WIPF2: variants seen among roughly 807,000 people sequenced by gnomAD.
WIPF2 encodes WAS/WASL interacting protein family member 2, also known as WAS/WASL-interacting protein family member 2.
In WIPF2, 23 loss-of-function variants were observed where a neutral mutation model predicts 38.8. The observed-to-expected ratio is 0.59, with a 90% CI of 0.43 to 0.84. The LOEUF is 0.84. Ranked by LOEUF, WIPF2 falls within the 40% of genes least tolerant of loss-of-function variation. WIPF2 has a pLI of 0.00. For missense variants in WIPF2, 574 were observed against 580.5 expected (o/e 0.99, Z 0.11); for synonymous variants, 210 against 223.2 (o/e 0.94, Z 0.53).
chr17:40,267,666 A>C (rs188916116), intron 5 of WIPF2, among the ~76,000 whole-genome samples: 1 of 152,226 alleles, frequency 6.6e-6, no homozygotes, highest in East Asian at 1.9e-4. Context: ...CAGCCTCCTG[A>C]CTAGCTGGAA....
chr17:40,232,160 ATG>A, intron 1 of WIPF2, among the ~76,000 whole-genome samples: 1 of 132,204 alleles, frequency 7.6e-6, no homozygotes, highest in African/African-American at 2.8e-5. Context: ...TTGCAGGCAC[ATG>A]CCACCATGCC....
intron 6 of WIPF2, among the ~76,000 whole-genome samples, chr17:40,275,266 A>G (rs1046184413): frequency 2.7e-5 from 4 of 150,716 alleles, no homozygotes; most frequent in Non-Finnish European, 4.4e-5. Context: ...AAAAAACAAA[A>G]CCCAAAACAT....
chr17:40,256,337 G>A, intron 1 of WIPF2, 54 bp from the exon 2 acceptor site: 1 of 1,438,012 alleles, frequency 7.0e-7, no homozygotes, highest in South Asian at 1.3e-5. Flanking sequence ...ATTCTCCTGG[G>A]CACTTGTATC....
intron 5 of WIPF2, among the ~76,000 whole-genome samples, chr17:40,269,752 C>T (rs1473952474): frequency 6.6e-6 from 1 of 150,464 alleles, no homozygotes; most frequent in African/African-American, 2.4e-5. Context: ...CTGCAGGCAC[C>T]CGCTACCATA....
chr17:40,241,801 C>T (rs1285758971), intron 1 of WIPF2, among the ~76,000 whole-genome samples: 6 of 152,096 alleles, frequency 3.9e-5, no homozygotes, highest in African/African-American at 1.4e-4. Context: ...CACAATTCTC[C>T]CTTTTGTATT....
chr17:40,249,276 G>A (rs2031476992), intron 1 of WIPF2, among the ~76,000 whole-genome samples: 2 of 152,240 alleles, frequency 1.3e-5, no homozygotes, highest in South Asian at 2.1e-4. Flanking sequence ...TTAAGTGTAC[G>A]AGAAAAGCAA....
intron 1 of WIPF2, among the ~76,000 whole-genome samples, chr17:40,237,057 A>G (rs964732030): frequency 4.0e-5 from 6 of 151,862 alleles, no homozygotes; most frequent in Non-Finnish European, 8.8e-5. Flanking sequence ...CATTCAGTGG[A>G]CCTTTTCAGT....
intron 1 of WIPF2, among the ~76,000 whole-genome samples, chr17:40,243,990 A>G (rs958478488): frequency 3.9e-5 from 6 of 152,138 alleles, no homozygotes; most frequent in African/African-American, 1.4e-4. Flanking sequence ...TCTACATGTG[A>G]TAGAAATCTG....
At chr17:40,251,983 T>G (rs1234736692) in intron 1 of WIPF2, among the ~76,000 whole-genome samples, 4 of 152,106 alleles carry the variant, frequency 2.6e-5, no homozygotes, top group Non-Finnish European at 4.4e-5. Context: ...TTTTAAGGGG[T>G]CTTGCTGTGT....
At chr17:40,222,710 G>T (rs1317602753) in intron 1 of WIPF2, among the ~76,000 whole-genome samples, 2 of 109,868 alleles carry the variant, frequency 1.8e-5, no homozygotes, top group African/African-American at 3.5e-5. Context: ...CGCTCCTGCT[G>T]CCCAGGCTGG....
intron 1 of WIPF2, among the ~76,000 whole-genome samples, chr17:40,225,970 A>C (rs1483751067): frequency 6.6e-6 from 1 of 152,040 alleles, no homozygotes; most frequent in African/African-American, 2.4e-5. Flanking sequence ...TAGTTTCTTA[A>C]GCTTCATGGA....
At chr17:40,239,695 T>TC (rs1054422934) in intron 1 of WIPF2, among the ~76,000 whole-genome samples, 5 of 144,114 alleles carry the variant, frequency 3.5e-5, no homozygotes, top group African/African-American at 5.1e-5. Context: ...GCTTTTCTTT[T>TC]TTTTTTTTTT....
chr17:40,273,984 G>A lies in WIPF2; in HGVS notation c.1165G>A (p.Val389Ile). 2 of 1,555,532 alleles carry A rather than the reference G, an allele frequency of 1.3e-6. No individual in the cohort carries two copies. Among genetic ancestry groups the A allele is most frequent in the Non-Finnish European group, 1.7e-6 (2 of 1,151,858 alleles). The change falls in exon 6 of 8, where the codon GTC (valine) becomes ATC (isoleucine). Residue 389 changes from valine to isoleucine, a missense_variant. Transcript: ENST00000323571. Reference sequence around the variant, plus strand: ...TGGCCACAGAGATTCTATCACCACTGTCCGGTCTTTCTTGGGTGAGTAGCT... The same window carrying A: ...TGGCCACAGAGATTCTATCACCACTATCCGGTCTTTCTTGGGTGAGTAGCT... Reference protein sequence around the residue: ...RNGHRDSITTVRSFLDDFESK... With the variant: ...RNGHRDSITTIRSFLDDFESK...
chr17:40,221,531 C>T (rs976139315), intron 1 of WIPF2, among the ~76,000 whole-genome samples: 6 of 151,762 alleles, frequency 4.0e-5, no homozygotes, highest in Non-Finnish European at 8.8e-5. Flanking sequence ...TCTAAGAGTT[C>T]GAGACCATTC....
intron 1 of WIPF2, among the ~76,000 whole-genome samples, chr17:40,231,979 C>A (rs1598468488): frequency 7.5e-6 from 1 of 132,800 alleles, no homozygotes; most frequent in East Asian, 2.2e-4. Flanking sequence ...ACATTGAAAA[C>A]AAGACCTAAA....
chr17:40,273,459 A>G (rs1209629164), intron 5 of WIPF2, among the ~76,000 whole-genome samples: 1 of 152,188 alleles, frequency 6.6e-6, no homozygotes, highest in African/African-American at 2.4e-5. Flanking sequence ...CAAAGCAAGG[A>G]GAACATTCGG....
chr17:40,261,683 T>G (rs1460318663), intron 3 of WIPF2, among the ~76,000 whole-genome samples: 5 of 145,356 alleles, frequency 3.4e-5, no homozygotes, highest in Admixed American at 6.9e-5. Context: ...TTTTTTTTGG[T>G]TTTTTTTGTT....
chr17:40,272,524 C>T (rs186635293), intron 5 of WIPF2, among the ~76,000 whole-genome samples: 2 of 152,244 alleles, frequency 1.3e-5, no homozygotes, highest in Admixed American at 6.5e-5. Context: ...TTTTGAAAAT[C>T]GCTCATTGAT....
intron 1 of WIPF2, among the ~76,000 whole-genome samples, chr17:40,250,201 C>A (rs536153809): frequency 8.0e-5 from 11 of 137,260 alleles, no homozygotes; most frequent in Admixed American, 5.4e-4. Flanking sequence ...TGAGGATGTG[C>A]AAAGCGAATT....
Sources: allele counts gnomAD v4.1 joint callset (sites outside exome capture counted in the v4.1 genomes callset), GRCh38; gene constraint gnomAD v4.1.1; transcripts MANE v1.5; gene names NCBI Gene and HGNC (gene_info 2026-07-23, HGNC 2026-07-21).